FYN: variants seen among roughly 807,000 people sequenced by gnomAD.
The protein encoded by FYN is FYN proto-oncogene, Src family tyrosine kinase.
In FYN, 10 loss-of-function variants were observed where a neutral mutation model predicts 70.2. The observed-to-expected ratio is 0.14, with a 90% CI of 0.09 to 0.24. The LOEUF is 0.24. FYN is among the 10% of genes least tolerant of loss of function. The probability of loss-of-function intolerance (pLI) is 1.00; values close to 1 mark genes in which losing one functional copy is unlikely to be tolerated. For synonymous variants in FYN, 236 were observed against 248.6 expected, an observed-to-expected ratio of 0.95 and a Z score of 0.48; for missense variants, 319 against 673.1, an observed-to-expected ratio of 0.47 and a Z score of 5.82.
chr6:111,686,077 C>A (rs811470), intron 12 of FYN, among the ~76,000 whole-genome samples: 74,803 of 151,764 alleles, frequency 0.49, 18,817 homozygotes, highest in Admixed American at 0.61. Flanking sequence ...TTTTAATTTT[C>A]ATCTTTGGCT....
chr6:111,720,375 C>T (rs574691529), intron 3 of FYN, among the ~76,000 whole-genome samples: 9 of 152,256 alleles, frequency 5.9e-5, no homozygotes, highest in Non-Finnish European at 7.4e-5. Context: ...TGCCTACAGA[C>T]GGTCCAATCA....
At chr6:111,855,324 T>C (rs1583496663) in intron 1 of FYN, among the ~76,000 whole-genome samples, 1 of 152,202 alleles carries the variant, frequency 6.6e-6, no homozygotes, top group East Asian at 1.9e-4. Flanking sequence ...GATGAAATGA[T>C]TTGATTTTGC....
intron 2 of FYN, chr6:111,819,861 C>T (rs1294804920): frequency 1.3e-5 from 2 of 152,152 alleles, no homozygotes; most frequent in Non-Finnish European, 1.5e-5. Context: ...AACACTCACC[C>T]TTGGTGTCTC....
chr6:111,716,982 C>T (rs1172235384), intron 4 of FYN, among the ~76,000 whole-genome samples: 1 of 152,150 alleles, frequency 6.6e-6, no homozygotes, highest in Non-Finnish European at 1.5e-5. Flanking sequence ...GACGGGGTTT[C>T]ACCATGTTGG....
At chr6:111,794,971 C>T (rs551445735) in intron 2 of FYN, among the ~76,000 whole-genome samples, 2 of 152,238 alleles carry the variant, frequency 1.3e-5, no homozygotes, top group East Asian at 3.9e-4. Flanking sequence ...TCACACTAAC[C>T]GGGTAAGCCA....
At chr6:111,815,921 A>C (rs1447020711) in intron 2 of FYN, among the ~76,000 whole-genome samples, 1 of 151,914 alleles carries the variant, frequency 6.6e-6, no homozygotes, top group Non-Finnish European at 1.5e-5. Context: ...CTTGGTCTTG[A>C]ACTCCTAAGC....
chr6:111,805,272 C>T (rs540700069), intron 2 of FYN, among the ~76,000 whole-genome samples: 93 of 152,308 alleles, frequency 6.1e-4, no homozygotes, highest in Middle Eastern at 3.4e-3. Context: ...ATCTTTCTCA[C>T]GGAGCTGTCA....
intron 2 of FYN, among the ~76,000 whole-genome samples, chr6:111,812,689 G>C (rs921635406): frequency 2.4e-4 from 36 of 147,936 alleles, no homozygotes; most frequent in Non-Finnish European, 4.5e-5. Flanking sequence ...CAAAGAGCAG[G>C]TCATGGGCAC....
intron 12 of FYN, among the ~76,000 whole-genome samples, chr6:111,675,284 A>G (rs1380545530): frequency 1.3e-5 from 2 of 152,188 alleles, no homozygotes; most frequent in Non-Finnish European, 2.9e-5. Flanking sequence ...CAGCAAGAGT[A>G]CTATTTAATG....
rs1797734363 is a variant in FYN, at chr6:111,661,631, G to A, written c.*108C>T. On this transcript the variant is annotated 3_prime_UTR_variant, in exon 14 of 14. Coordinates refer to ENST00000354650, the MANE Select transcript of FYN (RefSeq NM_002037.5). This position sits in a 1 kb window ranked among gnomAD's most constrained non-coding sequence, Gnocchi z 4.0. Reference sequence around the variant, plus strand: ...TCAGCTTCAGAGTCACATGCAATCTGATCCTGGGCGGTTCCGCTGCTGGGG... The same window carrying A: ...TCAGCTTCAGAGTCACATGCAATCTAATCCTGGGCGGTTCCGCTGCTGGGG... 9.6e-7 allele frequency: 1 copy of A among 1,043,864 alleles called. No homozygotes were observed. Among genetic ancestry groups the A allele is most frequent in the Non-Finnish European group, 1.4e-6 (1 of 703,102 alleles). The allele number at this position is 1,043,864 out of a possible 1,614,324, so 64.7% of individuals were successfully genotyped here. A position where few individuals can be genotyped will look rare whatever the true frequency, so the allele number is the denominator to read the frequency against.
At chr6:111,753,349 T>C (rs73542141) in intron 3 of FYN, among the ~76,000 whole-genome samples, 5,708 of 152,236 alleles carry the variant, frequency 0.037, 353 homozygotes, top group African/African-American at 0.13. Flanking sequence ...GGCTAGATAC[T>C]AGAACAATGA....
At position 111,759,782 on chromosome 6, in the gene FYN, C is replaced by T. The variant is rs572504040; in HGVS notation, c.-12+20784G>A. ...GCTCCCCGACGGCAACGATTATCTG[C>T]TACGATTATTTAATTGTCACCAGAG... On this transcript the variant is annotated intron_variant, in intron 3 of 13. Coordinates refer to ENST00000354650, the MANE Select transcript of FYN (RefSeq NM_002037.5). 3.3e-5 allele frequency: 5 copies of T among 152,324 alleles called. No homozygotes were observed. In the East Asian group the frequency reaches 7.7e-4, roughly 23 times the overall value. 9.4% of individuals were successfully genotyped at this position (152,324 alleles called of 1,614,324 possible).
intron 3 of FYN, among the ~76,000 whole-genome samples, chr6:111,750,716 C>A (rs895955819): frequency 2.5e-5 from 3 of 119,300 alleles, no homozygotes; most frequent in African/African-American, 9.9e-5. Flanking sequence ...CAATTCATGT[C>A]ATTTTTTTTT....
intron 5 of FYN, among the ~76,000 whole-genome samples, chr6:111,713,508 G>A (rs1340691054): frequency 6.6e-6 from 1 of 151,952 alleles, no homozygotes; most frequent in Non-Finnish European, 1.5e-5. Flanking sequence ...TCATAGGGAC[G>A]CTGGAGATGC....
intron 9 of FYN, 179 bp from the exon 10 acceptor site, chr6:111,696,635 G>T: frequency 2.0e-6 from 1 of 502,758 alleles, no homozygotes; most frequent in African/African-American, 2.0e-5. Flanking sequence ...GAAAAAATGA[G>T]TTTATTTGTG....
At chr6:111,769,141 G>C (rs1803342492) in intron 3 of FYN, among the ~76,000 whole-genome samples, 1 of 152,198 alleles carries the variant, frequency 6.6e-6, no homozygotes, top group Admixed American at 6.5e-5. Context: ...ATACAGCACT[G>C]AAGGGAATGT....
intron 3 of FYN, among the ~76,000 whole-genome samples, chr6:111,726,616 A>G (rs1801203992): frequency 6.6e-6 from 1 of 152,206 alleles, no homozygotes; most frequent in South Asian, 2.1e-4. Context: ...TGGCCAGTCC[A>G]TGCAAGGGTG....
At chr6:111,789,058 G>A (rs950777536) in intron 2 of FYN, among the ~76,000 whole-genome samples, 8 of 152,322 alleles carry the variant, frequency 5.3e-5, no homozygotes, top group Admixed American at 3.9e-4. Flanking sequence ...GGAGGAGGAG[G>A]AGGAGAGATG....
At chr6:111,687,826 A>C (rs951521651) in intron 12 of FYN, among the ~76,000 whole-genome samples, 4 of 152,188 alleles carry the variant, frequency 2.6e-5, no homozygotes, top group African/African-American at 9.7e-5. Context: ...TATTATCCCT[A>C]TTTTAAGAGG....
Sources: allele counts gnomAD v4.1 joint callset (sites outside exome capture counted in the v4.1 genomes callset), GRCh38; gene constraint gnomAD v4.1.1; non-coding constraint Gnocchi (gnomAD v3.1); transcripts MANE v1.5; gene names NCBI Gene and HGNC (gene_info 2026-07-23, HGNC 2026-07-21).